Variants in RGS22 observed in about 807,000 individuals in gnomAD.
RGS22 encodes regulator of G-protein signaling 22.
In RGS22, 148 loss-of-function variants were observed where a neutral mutation model predicts 172.9. That is an observed-to-expected ratio of 0.86 (90% CI 0.75 to 0.98). RGS22 has a LOEUF of 0.98. Ranked by LOEUF, RGS22 falls within the 50% of genes least tolerant of loss-of-function variation. The pLI is 0.00. For missense variants in RGS22, 1,347 were observed against 1,440.8 expected, an observed-to-expected ratio of 0.93 and a Z score of 1.05; for synonymous variants, 458 against 480.2, an observed-to-expected ratio of 0.95 and a Z score of 0.60.
chr8:99,999,958 A>G (rs1181646519), intron 18 of RGS22, among the ~76,000 whole-genome samples: 5 of 152,218 alleles, frequency 3.3e-5, no homozygotes, highest in Middle Eastern at 3.2e-3. Flanking sequence ...CACCCAGAAC[A>G]GTGCAGTTGT....
chr8:100,095,055 G>GT (rs768881578), intron 2 of RGS22, among the ~76,000 whole-genome samples: 5 of 152,172 alleles, frequency 3.3e-5, no homozygotes, highest in African/African-American at 9.7e-5. Context: ...CCTGGTGGAC[G>GT]TAAGTATTGC....
intron 6 of RGS22, among the ~76,000 whole-genome samples, chr8:100,070,333 T>G (rs1810876110): frequency 6.6e-6 from 1 of 152,090 alleles, no homozygotes. Context: ...TAGAAAAAAT[T>G]GAGAAATTTT....
At chr8:100,052,218 TACAC>T (rs1821717267) in intron 10 of RGS22, among the ~76,000 whole-genome samples, 9 of 123,440 alleles carry the variant, frequency 7.3e-5, no homozygotes, top group African/African-American at 2.5e-4. Flanking sequence ...TATATAAATA[TACAC>T]ATATATATGT....
rs150681181 is a variant in RGS22 at position 100,034,183 on chromosome 8, T to G, written c.2166+4748A>C. 1.1e-4 allele frequency among the ~76,000 whole-genome samples: 17 copies of G among 152,300 alleles called. No individual in the cohort carries two copies. The East Asian group carries it at 3.3e-3, about 29-fold the overall frequency. ...AAAGAGGAAGTGAAATTGTCCCTGTTCGCAGATGACATGATTGTATATTTA... is the reference window on the plus strand; with the variant it reads ...AAAGAGGAAGTGAAATTGTCCCTGTGCGCAGATGACATGATTGTATATTTA... On this transcript the variant is annotated intron_variant, in intron 14 of 27. Coordinates refer to ENST00000360863, the MANE Select transcript of RGS22 (RefSeq NM_015668.5).
intron 12 of RGS22, 128 bp downstream of exon 12, chr8:100,041,674 G>GA (rs1820139698): frequency 1.8e-6 from 1 of 563,952 alleles, no homozygotes; most frequent in Non-Finnish European, 3.1e-6. Flanking sequence ...CTTTGGCAAG[G>GA]AAAAAAATCA....
chr8:100,011,780 T>A (rs777719448), intron 14 of RGS22, among the ~76,000 whole-genome samples: 3 of 152,078 alleles, frequency 2.0e-5, no homozygotes, highest in Non-Finnish European at 4.4e-5. Flanking sequence ...AAAATAAAGA[T>A]GTTATAAATC....
intron 14 of RGS22, among the ~76,000 whole-genome samples, chr8:100,013,547 A>G (rs1025135059): frequency 6.6e-6 from 1 of 152,198 alleles, no homozygotes; most frequent in Non-Finnish European, 1.5e-5. Context: ...ACACTTCATG[A>G]TGCCCTGTTG....
intron 3 of RGS22, among the ~76,000 whole-genome samples, chr8:100,091,644 A>G (rs1278202656): frequency 6.6e-6 from 1 of 152,222 alleles, no homozygotes; most frequent in African/African-American, 2.4e-5. Context: ...AAGTTGATGT[A>G]ATCACAAATC....
chr8:99,987,440 T>C lies in RGS22; in HGVS notation c.3180+18A>G, dbSNP rs76193261. On this transcript the variant is annotated intron_variant, in intron 21 of 27. Transcript: ENST00000360863. ...CCTCCTCAAAACAGGTGGTTTTCTCTAGCTCCCAATACAATACCTTATATT... is the reference window on the plus strand; with the variant it reads ...CCTCCTCAAAACAGGTGGTTTTCTCCAGCTCCCAATACAATACCTTATATT... 0.011 allele frequency: 17,387 copies of C among 1,546,688 alleles called. 678 individuals carry two copies. The East Asian group carries it at 0.13, about 11-fold the overall frequency.
chr8:100,046,041 A>G (rs1820681913), intron 11 of RGS22, among the ~76,000 whole-genome samples: 2 of 152,092 alleles, frequency 1.3e-5, no homozygotes, highest in South Asian at 4.1e-4. Flanking sequence ...AGATTATGGT[A>G]TATCTATTGC....
chr8:100,100,807 C>T (rs1243391436), intron 2 of RGS22, among the ~76,000 whole-genome samples: 1 of 152,168 alleles, frequency 6.6e-6, no homozygotes, highest in East Asian at 1.9e-4. Flanking sequence ...CCACTTTTAA[C>T]AACTAAAATA....
intron 20 of RGS22, among the ~76,000 whole-genome samples, chr8:99,994,595 C>T (rs1444540667): frequency 6.6e-6 from 1 of 152,168 alleles, no homozygotes; most frequent in Non-Finnish European, 1.5e-5. Context: ...ATACAAACCA[C>T]TGCTCAACGA....
At chr8:100,088,389 T>G (rs1812316334) in intron 3 of RGS22, among the ~76,000 whole-genome samples, 3 of 152,094 alleles carry the variant, frequency 2.0e-5, no homozygotes, top group Admixed American at 2.0e-4. Flanking sequence ...TGGGCTCATC[T>G]ACTCAATCCC....
chr8:100,002,991 C>T (rs531562589), intron 17 of RGS22: 116 of 152,924 alleles, frequency 7.6e-4, no homozygotes, highest in Non-Finnish European at 1.5e-3. Flanking sequence ...ACCCAGGAGA[C>T]GGAGCCTGCA....
At chr8:100,044,391 C>T (rs770722532) in intron 11 of RGS22, among the ~76,000 whole-genome samples, 11 of 152,194 alleles carry the variant, frequency 7.2e-5, no homozygotes, top group Non-Finnish European at 1.3e-4. Context: ...GGATTACAGG[C>T]GTGAGCCATC....
intron 14 of RGS22, among the ~76,000 whole-genome samples, chr8:100,021,599 G>A (rs535065127): frequency 2.0e-5 from 3 of 152,144 alleles, no homozygotes; most frequent in Non-Finnish European, 2.9e-5. Context: ...TCACTTCACA[G>A]ATCATCTTAA....
chr8:99,994,293 G>C (rs910026056), intron 20 of RGS22, among the ~76,000 whole-genome samples: 2 of 152,038 alleles, frequency 1.3e-5, no homozygotes, highest in South Asian at 2.1e-4. Context: ...AGAAATAAAG[G>C]GTATTCAAGT....
chr8:100,074,535 T>G (rs1811202608), intron 4 of RGS22, among the ~76,000 whole-genome samples: 1 of 152,232 alleles, frequency 6.6e-6, no homozygotes, highest in East Asian at 1.9e-4. Flanking sequence ...CTTTTGATTC[T>G]AGTATCTTTC....
intron 13 of RGS22, among the ~76,000 whole-genome samples, chr8:100,039,517 C>A (rs1257942562): frequency 6.6e-6 from 1 of 151,858 alleles, no homozygotes; most frequent in Non-Finnish European, 1.5e-5. Context: ...GCTGGGATTA[C>A]AGGCATGCAC....
Sources: gnomAD v4.1 joint callset for allele counts (sites outside exome capture counted in the v4.1 genomes callset) on GRCh38, gnomAD v4.1.1 for gene constraint, MANE v1.5 for transcripts, NCBI Gene and HGNC (gene_info 2026-07-23, HGNC 2026-07-21) for gene names.